Variants in CTDNEP1 observed in about 807,000 individuals in gnomAD.
The protein encoded by CTDNEP1 is CTD nuclear envelope phosphatase 1.
In CTDNEP1, 3 loss-of-function variants were observed where a neutral mutation model predicts 30.1. The ratio of observed to expected loss-of-function variants is 0.10; its 90% CI spans 0.05 to 0.26. The LOEUF is 0.26. Ranked by LOEUF, CTDNEP1 falls within the 10% of genes least tolerant of loss-of-function variation. The pLI is 1.00. For missense variants in CTDNEP1, 158 were observed against 310.4 expected, an observed-to-expected ratio of 0.51 and a Z score of 3.69; for synonymous variants, 123 against 118.8, an observed-to-expected ratio of 1.04 and a Z score of -0.23.
At position 7,246,829 on chromosome 17, in the gene CTDNEP1, C is replaced by G. The variant is rs1483521908; in HGVS notation, c.322G>C (p.Val108Leu). The change falls in exon 4 of 8, where the codon GTA becomes CTA. Residue 108 changes from valine to leucine, a missense_variant. By Grantham distance (32) the Val-to-Leu change is conservative (BLOSUM62 1). Coordinates refer to ENST00000574322, the MANE Select transcript of CTDNEP1 (RefSeq NM_001143775.2). This position sits in a 1 kb window ranked among gnomAD's most constrained non-coding sequence, Gnocchi z 4.9. ...AAATCCACATGGGGCCTCTTATGTA[C>G]AAAAAACCGGACAGGATGTTTGTCT... ...VIDKHPVRFF[V>L]HKRPHVDFFL... 3.7e-6 allele frequency: 6 copies of G among 1,614,008 alleles called. No individual in the cohort carries two copies. The highest frequency in any genetic ancestry group is 5.1e-6 in the Non-Finnish European group (6 of 1,179,946).
At position 7,246,909 on chromosome 17, in the gene CTDNEP1, C is replaced by G; in HGVS notation, c.289-47G>C. ...TGGGGGATGTCATGACCACCACAAC[C>G]CAGGCCTAGAAAACGCCCCACCCAT... On this transcript the variant is annotated intron_variant, in intron 3 of 7. Coordinates refer to ENST00000574322, the MANE Select transcript of CTDNEP1 (RefSeq NM_001143775.2). This position sits in a 1 kb window ranked among gnomAD's most constrained non-coding sequence, Gnocchi z 4.9. 8.3e-6 allele frequency: 13 copies of G among 1,571,600 alleles called. No homozygotes were observed. Among genetic ancestry groups the G allele is most frequent in the Non-Finnish European group, 1.1e-5 (13 of 1,142,244 alleles).
intron 1 of CTDNEP1, among the ~76,000 whole-genome samples, chr17:7,248,232 G>GC (rs2071869363): frequency 1.8e-5 from 2 of 108,516 alleles, no homozygotes; most frequent in East Asian, 3.4e-4. Context: ...CTGTACTCCA[G>GC]CCTGGTGACA....
intron 7 of CTDNEP1, 27 bp from the exon 8 acceptor site, chr17:7,244,272 A>C: frequency 6.2e-7 from 1 of 1,612,546 alleles, no homozygotes; most frequent in Non-Finnish European, 8.5e-7. Context: ...TTGCATTGGT[A>C]GAGTACCTTA....
rs201274371 is a variant in CTDNEP1 at position 7,251,224 on chromosome 17, T to G, written c.73A>C (p.Ile25Leu). ...CGGATCTGCCTCCGCAGAAGGTAAA[T>G]GAAGAAGCTCCAGAGCTTGGCGGCG... ...AFAAKLWSFF[I>L]YLLRRQIRTV... The change falls in exon 1 of 8, where the codon ATT (isoleucine) becomes CTT (leucine). Residue 25 changes from isoleucine (I) to leucine (L), a missense_variant. Transcript: ENST00000574322. 16 of 1,603,016 alleles carry G rather than the reference T, an allele frequency of 1.0e-5. No homozygotes were observed. In the Admixed American group the frequency reaches 2.7e-4, roughly 27 times the overall value.
intron 1 of CTDNEP1, among the ~76,000 whole-genome samples, chr17:7,247,573 A>G (rs2071858727): frequency 6.6e-6 from 1 of 151,536 alleles, no homozygotes; most frequent in Non-Finnish European, 1.5e-5. Flanking sequence ...GGTTCAAGCA[A>G]TTCTCCTGCC....
rs999993349 is a variant in CTDNEP1, at chr17:7,245,454, C to A, written c.589+572G>T. 2.6e-5 allele frequency among the ~76,000 whole-genome samples: 4 copies of A among 151,460 alleles called. No homozygotes were observed. The South Asian group carries it at 6.3e-4, about 24-fold the overall frequency. ...ACTCCAGCCTGGGAACAGAGTGAGA[C>A]CCTATCTCAAAAAATAAATAAAAAT... On this transcript the variant is annotated intron_variant, in intron 6 of 7. Coordinates refer to ENST00000574322, the MANE Select transcript of CTDNEP1 (RefSeq NM_001143775.2).
chr17:7,247,578 C>T (rs1443809063), intron 1 of CTDNEP1, among the ~76,000 whole-genome samples: 1 of 151,456 alleles, frequency 6.6e-6, no homozygotes, highest in East Asian at 1.9e-4. Flanking sequence ...AAGCAATTCT[C>T]CTGCCTCAGC....
Position 7,251,544 on chromosome 17 carries a change from C to T in CTDNEP1, c.-248G>A. The T allele has an allele frequency of 4.3e-6, 1 of 234,288 alleles. No individual in the cohort carries two copies. Among genetic ancestry groups the T allele is most frequent in the Non-Finnish European group, 8.0e-6 (1 of 125,644 alleles). The allele number at this position is 234,288 out of a possible 1,614,324, so 14.5% of individuals were successfully genotyped here. A position where few individuals can be genotyped will look rare whatever the true frequency, so the allele number is the denominator to read the frequency against. ...CCACATGGGCTGGGAGTGGCACCGA[C>T]GGCTTCGGGGAGGTTGCGGGCCGAG... On this transcript the variant is annotated 5_prime_UTR_variant, in exon 1 of 8. Transcript: ENST00000574322.
At chr17:7,250,032 T>C (rs959425023) in intron 1 of CTDNEP1, among the ~76,000 whole-genome samples, 2 of 151,618 alleles carry the variant, frequency 1.3e-5, no homozygotes, top group Non-Finnish European at 2.9e-5. Context: ...GCCACAACCA[T>C]CCTGTACTGT....
At position 7,251,504 on chromosome 17, in the gene CTDNEP1, G is replaced by A. The variant is rs887008799; in HGVS notation, c.-208C>T. The A allele has an allele frequency of 5.1e-6, 2 of 390,778 alleles. No individual in the cohort carries two copies. Among genetic ancestry groups the A allele is most frequent in the Non-Finnish European group, 9.0e-6 (2 of 222,684 alleles). 24.2% of individuals were successfully genotyped at this position (390,778 alleles called of 1,614,324 possible). The stretch of plus-strand genomic sequence containing the variant: ...ACGGGGAGCTGGGGGACAGGCGTGG[G>A]CAGCCCGCGGGGGCCCACATGGGCT... On this transcript the variant is annotated 5_prime_UTR_variant, in exon 1 of 8. Coordinates refer to ENST00000574322, the MANE Select transcript of CTDNEP1 (RefSeq NM_001143775.2).
In CTDNEP1 at chr17:7,251,358, G is replaced by C. The variant is rs1223232950; in HGVS notation, c.-62C>G. On this transcript the variant is annotated 5_prime_UTR_variant, in exon 1 of 8. Transcript: ENST00000574322. ...GCGGCCCAGCTCCGCCAGCCCCCCG[G>C]GGGCAGCCCCCCGCCGCCGGGAGGG... 1 of 1,187,410 alleles carries C rather than the reference G, an allele frequency of 8.4e-7. No homozygotes were observed. The highest frequency in any genetic ancestry group is 1.1e-6 in the Non-Finnish European group (1 of 905,518). The allele number at this position is 1,187,410 out of a possible 1,614,324, so 73.6% of individuals were successfully genotyped here.
chr17:7,249,770 G>A (rs1483443672), intron 1 of CTDNEP1, among the ~76,000 whole-genome samples: 1 of 152,164 alleles, frequency 6.6e-6, no homozygotes, highest in Non-Finnish European at 1.5e-5. Context: ...AATTAGCCAG[G>A]TGTGGTGGCA....
chr17:7,250,078 A>G (rs2071892552), intron 1 of CTDNEP1, among the ~76,000 whole-genome samples: 1 of 152,106 alleles, frequency 6.6e-6, no homozygotes, highest in African/African-American at 2.4e-5. Context: ...GCAGACTGGT[A>G]AAGGACAGAA....
chr17:7,248,360 T>C (rs1265331410), intron 1 of CTDNEP1, among the ~76,000 whole-genome samples: 1 of 142,946 alleles, frequency 7.0e-6, no homozygotes, highest in Non-Finnish European at 1.5e-5. Context: ...CTCTTTTTTT[T>C]TCTTTTTTTT....
chr17:7,246,384 G>T lies in CTDNEP1; in HGVS notation c.361-14C>A. 6.3e-7 allele frequency: 1 copy of T among 1,581,226 alleles called. No individual in the cohort carries two copies. The highest frequency in any genetic ancestry group is 8.7e-7 in the Non-Finnish European group (1 of 1,151,272). On this transcript the variant is annotated splice_polypyrimidine_tract_variant and intron_variant, in intron 4 of 7. Coordinates refer to ENST00000574322, the MANE Select transcript of CTDNEP1 (RefSeq NM_001143775.2). This position sits in a 1 kb window ranked among gnomAD's most constrained non-coding sequence, Gnocchi z 4.9. ...CCACTGGCTCACCTGAAATAGATTGGGGGAGAGGGCGATGCCATACAAGGT... is the reference window on the plus strand; with the variant it reads ...CCACTGGCTCACCTGAAATAGATTGTGGGAGAGGGCGATGCCATACAAGGT...
chr17:7,248,848 A>G (rs1442594625), intron 1 of CTDNEP1, among the ~76,000 whole-genome samples: 1 of 152,174 alleles, frequency 6.6e-6, no homozygotes, highest in African/African-American at 2.4e-5. Context: ...ATATAGAATG[A>G]GGGAATCCAG....
rs1567586232 is a variant in CTDNEP1, at chr17:7,244,062, G to A, written c.*123C>T. ...TGGAGTGTAGGGCTCCCAGGGCAGA[G>A]AGGGGTGGGAGGGGCAGACCCTGCC... On this transcript the variant is annotated 3_prime_UTR_variant, in exon 8 of 8. Coordinates refer to ENST00000574322, the MANE Select transcript of CTDNEP1 (RefSeq NM_001143775.2). 6.7e-6 allele frequency: 10 copies of A among 1,503,394 alleles called. No homozygotes were observed. The highest frequency in any genetic ancestry group is 8.9e-6 in the Non-Finnish European group (10 of 1,122,618). The allele number at this position is 1,503,394 out of a possible 1,614,324, so 93.1% of individuals were successfully genotyped here.
At chr17:7,244,694 C>T (rs2071815077) in intron 6 of CTDNEP1, 59 bp from the exon 7 acceptor site, 2 of 1,311,048 alleles carry the variant, frequency 1.5e-6, no homozygotes, top group Non-Finnish European at 2.1e-6. Context: ...CGGTGTTTTT[C>T]TCTTCTTGGA....
chr17:7,243,810 T>G lies in CTDNEP1; in HGVS notation c.*375A>C. On this transcript the variant is annotated 3_prime_UTR_variant, in exon 8 of 8. Transcript: ENST00000574322. ...ATTAGATCAGTTTTGTACAAGAGTT[T>G]TTTAAAAAAAATCAAATCACAACAA... 2.2e-6 allele frequency: 1 copy of G among 453,590 alleles called. No individual in the cohort carries two copies. Among genetic ancestry groups the G allele is most frequent in the South Asian group, 5.4e-5 (1 of 18,568 alleles). The allele number at this position is 453,590 out of a possible 1,614,324, so 28.1% of individuals were successfully genotyped here.
Sources: gnomAD v4.1 joint callset for allele counts (sites outside exome capture counted in the v4.1 genomes callset) on GRCh38, gnomAD v4.1.1 for gene constraint, Gnocchi (gnomAD v3.1) non-coding constraint, MANE v1.5 for transcripts, NCBI Gene and HGNC (gene_info 2026-07-23, HGNC 2026-07-21) for gene names.